PTPN14: variants seen among roughly 807,000 people sequenced by gnomAD.
The protein encoded by PTPN14 is protein tyrosine phosphatase non-receptor type 14.
A neutral mutation model predicts 126.8 loss-of-function variants in PTPN14; 53 were observed. The observed-to-expected ratio is 0.42, with a 90% CI of 0.34 to 0.53. PTPN14 has a LOEUF of 0.53. PTPN14 is among the 20% of genes least tolerant of loss of function. The pLI is 0.08. For missense variants in PTPN14, 1,257 were observed against 1,552.9 expected (o/e 0.81, Z 3.20); for synonymous variants, 630 against 599.3 (o/e 1.05, Z -0.75).
At chr1:214,419,322 A>G (rs1025605003) in intron 3 of PTPN14, among the ~76,000 whole-genome samples, 10 of 152,124 alleles carry the variant, frequency 6.6e-5, no homozygotes, top group Non-Finnish European at 1.5e-4. Flanking sequence ...TAGAGTTCAA[A>G]TTTAGTTAAA....
chr1:214,357,974 T>A lies in PTPN14; in HGVS notation c.3512A>T (p.Lys1171Met). 9.9e-6 allele frequency: 16 copies of A among 1,613,498 alleles called. No homozygotes were observed. Among genetic ancestry groups the A allele is most frequent in the Non-Finnish European group, 1.3e-5 (15 of 1,179,622 alleles). The change falls in exon 19 of 19, where the codon AAG becomes ATG. Residue 1171 changes from lysine to methionine, a missense_variant. Coordinates refer to ENST00000366956, the MANE Select transcript of PTPN14 (RefSeq NM_005401.5). ...CTGGATGAGGACTTGGTAGACAAAC[T>A]TGTACTGAGCGATAGTCTGGATCAT... ...MFMIQTIAQY[K>M]FVYQVLIQFL...
Position 214,349,056 on chromosome 1 carries a change from G to A in PTPN14, c.*8866C>T, listed in dbSNP as rs1411763629. 1 of 152,136 alleles carries A rather than the reference G, an allele frequency of 6.6e-6. No individual in the cohort carries two copies. Among genetic ancestry groups the A allele is most frequent in the Admixed American group, 6.5e-5 (1 of 15,276 alleles). 9.4% of individuals were successfully genotyped at this position (152,136 alleles called of 1,614,324 possible). ...AGGGAGTCTATACCAAAGTACAGTT[G>A]ACATGAATAGTGATAAAAATCACTC... is the stretch of plus-strand genomic sequence containing the variant. On this transcript the variant is annotated 3_prime_UTR_variant, in exon 19 of 19. Transcript: ENST00000366956.
intron 6 of PTPN14, 105 bp from the exon 7 acceptor site, chr1:214,401,877 T>C (rs541892343): frequency 1.1e-6 from 1 of 912,060 alleles, no homozygotes; most frequent in African/African-American, 1.7e-5. Flanking sequence ...CTCTAGTTTC[T>C]GGGAAGAGCA....
chr1:214,532,911 C>T (rs1375640444), intron 1 of PTPN14: 11 of 945,740 alleles, frequency 1.2e-5, no homozygotes, highest in Non-Finnish European at 1.9e-5. Context: ...CTCAGGACCT[C>T]GCCACGATCA....
At chr1:214,471,338 T>A (rs1233534661) in intron 1 of PTPN14, among the ~76,000 whole-genome samples, 1 of 152,198 alleles carries the variant, frequency 6.6e-6, no homozygotes, top group Non-Finnish European at 1.5e-5. Flanking sequence ...CAAACTTTCA[T>A]GCAAGTACTG....
At position 214,383,517 on chromosome 1, in the gene PTPN14, C is replaced by T. The variant is rs771988073; in HGVS notation, c.2338G>A (p.Val780Met). Reference sequence around the variant, plus strand: ...GCCTTGGCTGGCCCATGCCTCAGCACCCTGGCTCTGGCCATGGCGGGAGGA... The same window carrying T: ...GCCTTGGCTGGCCCATGCCTCAGCATCCTGGCTCTGGCCATGGCGGGAGGA... ...SLPPAMARAR[V>M]LRHGPAKAIS... The change falls in exon 13 of 19, where the codon GTG becomes ATG. Residue 780 changes from valine (V) to methionine (M), a missense_variant. Coordinates refer to ENST00000366956, the MANE Select transcript of PTPN14 (RefSeq NM_005401.5). This position sits in a 1 kb window ranked among gnomAD's most constrained non-coding sequence, Gnocchi z 4.4. 1.2e-6 allele frequency: 2 copies of T among 1,614,106 alleles called. No homozygotes were observed. The highest frequency in any genetic ancestry group is 1.7e-6 in the Non-Finnish European group (2 of 1,180,006).
intron 17 of PTPN14, among the ~76,000 whole-genome samples, chr1:214,368,647 A>G (rs921184201): frequency 2.0e-5 from 3 of 152,320 alleles, no homozygotes; most frequent in Admixed American, 2.0e-4. Context: ...ATCCATGTCC[A>G]GTACTTTTTC....
chr1:214,543,131 T>G (rs1480521838), intron 1 of PTPN14, among the ~76,000 whole-genome samples: 4 of 152,218 alleles, frequency 2.6e-5, no homozygotes, highest in African/African-American at 9.6e-5. Context: ...GTTTGAATAA[T>G]GGGGTATTCT....
chr1:214,466,252 G>A (rs6691633), intron 1 of PTPN14, among the ~76,000 whole-genome samples: 125,101 of 151,166 alleles, frequency 0.83, 51,843 homozygotes, highest in African/African-American at 0.89. Context: ...GTGAGCCAAC[G>A]CACCCGGCCA....
chr1:214,487,239 GA>G (rs1661134260), intron 1 of PTPN14, among the ~76,000 whole-genome samples: 4 of 3,434 alleles, frequency 1.2e-3, no homozygotes, highest in Non-Finnish European at 2.4e-3. Flanking sequence ...GAATTAAAGT[GA>G]AAGACAGGAA....
Position 214,383,932 on chromosome 1 carries a change from G to A in PTPN14, c.1923C>T (p.His641=), listed in dbSNP as rs769036790. Residue 641 remains histidine (H), a synonymous_variant, in exon 13 of 19, where the codon CAC becomes CAT. Transcript: ENST00000366956. The surrounding 1 kb of genome is among the most constrained non-coding windows in gnomAD (Gnocchi z 4.4). ...CCATGCTGTTCATCACCTCCAGGCT[G>A]TGGCGCTTGTTCACAGTGCCGTGGT... ...TKHHGTVNKR[H]SLEVMNSMVR... 29 of 1,613,218 alleles carry A rather than the reference G, an allele frequency of 1.8e-5. No individual in the cohort carries two copies. Among genetic ancestry groups the A allele is most frequent in the South Asian group, 4.4e-5 (4 of 91,090 alleles).
intron 4 of PTPN14, among the ~76,000 whole-genome samples, chr1:214,413,644 T>C (rs1339775638): frequency 4.6e-5 from 7 of 152,128 alleles, no homozygotes; most frequent in African/African-American, 1.7e-4. Flanking sequence ...TATATTACCA[T>C]CTTCTTGCTT....
intron 2 of PTPN14, among the ~76,000 whole-genome samples, chr1:214,461,254 T>C (rs1257037314): frequency 1.3e-5 from 2 of 152,316 alleles, no homozygotes; most frequent in East Asian, 3.9e-4. Flanking sequence ...TATAAAGCTA[T>C]TACAAAATTT....
intron 6 of PTPN14, among the ~76,000 whole-genome samples, chr1:214,402,301 G>A (rs944846393): frequency 6.6e-6 from 1 of 151,530 alleles, no homozygotes; most frequent in Non-Finnish European, 1.5e-5. Context: ...AGCTGGGTGT[G>A]GTGGTGCATG....
chr1:214,416,174 A>C (rs76538816), intron 3 of PTPN14, among the ~76,000 whole-genome samples: 2,909 of 152,274 alleles, frequency 0.019, 82 homozygotes, highest in African/African-American at 0.064. Flanking sequence ...GAGTGCTAAA[A>C]CAGTCTCCAC....
In PTPN14 at chr1:214,542,969, T is replaced by TG. The variant is rs942569291; in HGVS notation, c.-155+8213dup. ...AACGGTGAGAGCCAAGCTTGTGATT[T>TG]GGGGGGGAATATCAATGATATCACT... On this transcript the variant is annotated intron_variant, in intron 1 of 18. Coordinates refer to ENST00000366956, the MANE Select transcript of PTPN14 (RefSeq NM_005401.5). Among the ~76,000 whole-genome samples, 57 of 152,180 alleles carry TG rather than the reference T, an allele frequency of 3.7e-4. 1 individual carries two copies. Among genetic ancestry groups the TG allele is most frequent in the African/African-American group, 1.3e-3 (54 of 41,524 alleles).
intron 3 of PTPN14, among the ~76,000 whole-genome samples, chr1:214,425,504 T>A (rs1558096666): frequency 6.6e-6 from 1 of 152,222 alleles, no homozygotes; most frequent in East Asian, 1.9e-4. Flanking sequence ...CTTTGCTGTT[T>A]TATAAGACTG....
At chr1:214,524,518 GC>G (rs1655340791) in intron 1 of PTPN14, among the ~76,000 whole-genome samples, 1 of 151,996 alleles carries the variant, frequency 6.6e-6, no homozygotes, top group Non-Finnish European at 1.5e-5. Flanking sequence ...TAGGCAGGAT[GC>G]TGCACACCTG....
intron 1 of PTPN14, among the ~76,000 whole-genome samples, chr1:214,476,322 A>G (rs1660866741): frequency 6.7e-6 from 1 of 148,782 alleles, no homozygotes; most frequent in African/African-American, 2.4e-5. Context: ...CTCACTCATC[A>G]AATCAAAAGA....
Sources: gnomAD v4.1 joint callset for allele counts (sites outside exome capture counted in the v4.1 genomes callset) on GRCh38, gnomAD v4.1.1 for gene constraint, Gnocchi (gnomAD v3.1) non-coding constraint, MANE v1.5 for transcripts, NCBI Gene and HGNC (gene_info 2026-07-23, HGNC 2026-07-21) for gene names.